The following ELAVL2 variants were observed in gnomAD, a reference collection of about 807,000 sequenced individuals.
The protein encoded by ELAVL2 is ELAV-like protein 2.
In ELAVL2, 4 loss-of-function variants were observed where a neutral mutation model predicts 34.6. The observed-to-expected ratio is 0.12, with a 90% CI of 0.06 to 0.26. ELAVL2 has a LOEUF of 0.26. ELAVL2 is among the 10% of genes least tolerant of loss of function. The pLI is 1.00. For missense variants in ELAVL2, 432 were observed against 442.8 expected (o/e 0.98, Z 0.22); for synonymous variants, 193 against 154.8 (o/e 1.25, Z -1.83).
At chr9:23,719,021 A>T (rs1033597496) in intron 3 of ELAVL2, among the ~76,000 whole-genome samples, 2 of 152,176 alleles carry the variant, frequency 1.3e-5, no homozygotes, top group African/African-American at 4.8e-5. Flanking sequence ...AACATGGACA[A>T]CCTTCACTGT....
intron 5 of ELAVL2, among the ~76,000 whole-genome samples, chr9:23,696,454 A>G (rs771486411): frequency 1.3e-5 from 2 of 152,140 alleles, no homozygotes; most frequent in Non-Finnish European, 2.9e-5. Context: ...TCCACTGCTC[A>G]AGGACATCTT....
the ELAVL2 span, among the ~76,000 whole-genome samples, chr9:23,842,948 T>C: frequency 6.6e-6 from 1 of 152,174 alleles, no homozygotes; most frequent in Non-Finnish European, 1.5e-5. Flanking sequence ...TTTTTCCTGC[T>C]TCTTAGCTAG....
chr9:23,712,661 G>A (rs770563552), intron 3 of ELAVL2, among the ~76,000 whole-genome samples: 1 of 152,042 alleles, frequency 6.6e-6, no homozygotes, highest in Non-Finnish European at 1.5e-5. Context: ...CCTTTTATAA[G>A]ATTACAAACC....
intron 2 of ELAVL2, among the ~76,000 whole-genome samples, chr9:23,740,117 C>T (rs1171543939): frequency 1.3e-5 from 2 of 152,142 alleles, no homozygotes; most frequent in Non-Finnish European, 2.9e-5. Flanking sequence ...TAAAGGTTCA[C>T]CAGCCCAAAC....
intron 1 of ELAVL2, among the ~76,000 whole-genome samples, chr9:23,804,411 T>C (rs988439897): frequency 6.6e-5 from 10 of 152,150 alleles, no homozygotes; most frequent in South Asian, 2.1e-4. Flanking sequence ...ACTTAATACA[T>C]AGATCTTTTT....
intron 3 of ELAVL2, among the ~76,000 whole-genome samples, chr9:23,711,978 C>T (rs533331328): frequency 9.3e-4 from 141 of 152,244 alleles, no homozygotes; most frequent in Non-Finnish European, 1.3e-3. Flanking sequence ...AATGAAAATT[C>T]TATTAATCAT....
chr9:23,794,401 C>T (rs866864081), intron 1 of ELAVL2, among the ~76,000 whole-genome samples: 2 of 152,174 alleles, frequency 1.3e-5, no homozygotes, highest in African/African-American at 2.4e-5. Flanking sequence ...GTTAAACACA[C>T]GTACAGCAGG....
At chr9:23,800,358 A>C (rs2061435817) in intron 1 of ELAVL2, among the ~76,000 whole-genome samples, 1 of 152,174 alleles carries the variant, frequency 6.6e-6, no homozygotes, top group South Asian at 2.1e-4. Flanking sequence ...GTATCTGCTC[A>C]TGCAGGGGCC....
At chr9:23,838,876 C>T in the ELAVL2 span, among the ~76,000 whole-genome samples, 1 of 152,058 alleles carries the variant, frequency 6.6e-6, no homozygotes, top group African/African-American at 2.4e-5. Context: ...CGGACAGGTA[C>T]CATTAGTGAA....
intron 3 of ELAVL2, among the ~76,000 whole-genome samples, chr9:23,719,208 G>T (rs576677462): frequency 6.6e-6 from 1 of 152,274 alleles, no homozygotes; most frequent in African/African-American, 2.4e-5. Context: ...TACACTGAAT[G>T]ATTTGGTACC....
chr9:23,822,502 G>T (rs995725324), intron 1 of ELAVL2, among the ~76,000 whole-genome samples: 1 of 152,066 alleles, frequency 6.6e-6, no homozygotes, highest in South Asian at 2.1e-4. Flanking sequence ...CCGAGGGGGC[G>T]TCCCATCGCT....
chr9:23,822,495 A>G (rs2064946613), intron 1 of ELAVL2, among the ~76,000 whole-genome samples: 1 of 152,036 alleles, frequency 6.6e-6, no homozygotes. Context: ...CTCTTCACCG[A>G]GGGGGCGTCC....
intron 1 of ELAVL2, among the ~76,000 whole-genome samples, chr9:23,765,775 T>C (rs748734669): frequency 6.6e-6 from 1 of 152,160 alleles, no homozygotes; most frequent in African/African-American, 2.4e-5. Context: ...ATAGGATTGT[T>C]TGGAGTAATG....
intron 5 of ELAVL2, among the ~76,000 whole-genome samples, chr9:23,696,692 G>C (rs920999102): frequency 1.3e-5 from 2 of 151,832 alleles, no homozygotes; most frequent in South Asian, 4.2e-4. Flanking sequence ...TGATGGTCTC[G>C]ATCTCCTGAC....
upstream of ELAVL2, among the ~76,000 whole-genome samples, chr9:23,828,509 G>T (rs2065399683): frequency 6.6e-6 from 1 of 152,144 alleles, no homozygotes; most frequent in Non-Finnish European, 1.5e-5. Flanking sequence ...AGCTGGGAGT[G>T]ATATGGAGTA....
At chr9:23,837,878 A>G in the ELAVL2 span, among the ~76,000 whole-genome samples, 1 of 152,320 alleles carries the variant, frequency 6.6e-6, no homozygotes, top group East Asian at 1.9e-4. Flanking sequence ...GAAAATTTAT[A>G]GTTGGATGAT....
chr9:23,699,011 C>T (rs912195749), intron 5 of ELAVL2, among the ~76,000 whole-genome samples: 1 of 152,146 alleles, frequency 6.6e-6, no homozygotes, highest in African/African-American at 2.4e-5. Context: ...TTTCTGAAAC[C>T]AAGTTTCCCT....
At chr9:23,760,868 C>G (rs1329129618) in intron 2 of ELAVL2, among the ~76,000 whole-genome samples, 1 of 152,042 alleles carries the variant, frequency 6.6e-6, no homozygotes, top group Admixed American at 6.6e-5. Context: ...CAGGGGCTGG[C>G]TCTAGAACTC....
intron 1 of ELAVL2, among the ~76,000 whole-genome samples, chr9:23,823,907 A>ACATTAATCT (rs1167907779): frequency 6.6e-6 from 1 of 152,226 alleles, no homozygotes; most frequent in East Asian, 1.9e-4. Flanking sequence ...GGGAAATAAA[A>ACATTAATCT]CATTAATCTC....
Sources: gnomAD v4.1 joint callset for allele counts (sites outside exome capture counted in the v4.1 genomes callset) on GRCh38, gnomAD v4.1.1 for gene constraint, MANE v1.5 for transcripts, NCBI Gene and HGNC (gene_info 2026-07-23, HGNC 2026-07-21) for gene names.